The following CEP85 variants were observed in gnomAD, a reference collection of about 807,000 sequenced individuals.
CEP85 encodes the protein centrosomal protein of 85 kDa.
CEP85 carries 58 observed loss-of-function variants against 93.7 expected under a neutral mutation model. The observed-to-expected ratio is 0.62, with a 90% CI of 0.50 to 0.77. The LOEUF is 0.77. Ranked by LOEUF, CEP85 falls within the 30% of genes least tolerant of loss-of-function variation. The pLI, the probability that CEP85 is intolerant of heterozygous loss-of-function variation, is 0.00. For missense variants in CEP85, 868 were observed against 922.0 expected, an observed-to-expected ratio of 0.94 and a Z score of 0.76; for synonymous variants, 314 against 338.6, an observed-to-expected ratio of 0.93 and a Z score of 0.80.
At chr1:26,242,410 C>T (rs1025764318) in intron 2 of CEP85, among the ~76,000 whole-genome samples, 1 of 152,164 alleles carries the variant, frequency 6.6e-6, no homozygotes, top group Non-Finnish European at 1.5e-5. Flanking sequence ...TCTCATGCCG[C>T]TCAGAAACTC....
chr1:26,274,947 C>G lies in CEP85; in HGVS notation c.1795-17C>G, dbSNP rs1265646085. The G allele has an allele frequency of 6.4e-7, 1 of 1,551,200 alleles. No individual in the cohort carries two copies. On this transcript the variant is annotated splice_polypyrimidine_tract_variant and intron_variant, in intron 11 of 13. Transcript: ENST00000451429. ...TACCCCTACTGTGTTCCCTCAACAT[C>G]TTGCTGTGTGATTCAGAGCCTAGAG...
chr1:26,263,943 G>A (rs1296410234), intron 7 of CEP85, among the ~76,000 whole-genome samples: 2 of 152,194 alleles, frequency 1.3e-5, no homozygotes, highest in Non-Finnish European at 2.9e-5. Context: ...TGGGACTCGA[G>A]TATGAGCAGA....
At chr1:26,257,927 G>A (rs1363418270) in intron 5 of CEP85, among the ~76,000 whole-genome samples, 197 bp downstream of exon 5, 2 of 152,026 alleles carry the variant, frequency 1.3e-5, no homozygotes, top group Non-Finnish European at 2.9e-5. Context: ...ATTTCTTTAG[G>A]GGCTCTAGGG....
chr1:26,274,401 C>T (rs1010189437), intron 11 of CEP85, among the ~76,000 whole-genome samples: 4 of 152,192 alleles, frequency 2.6e-5, no homozygotes, highest in Non-Finnish European at 2.9e-5. Flanking sequence ...ATTCCCTGCC[C>T]TCAAGAAAGT....
At chr1:26,237,601 G>A (rs945590049) in intron 1 of CEP85, among the ~76,000 whole-genome samples, 3 of 152,122 alleles carry the variant, frequency 2.0e-5, no homozygotes, top group African/African-American at 4.8e-5. Flanking sequence ...GCTCATGGAC[G>A]TTTGTGTTGT....
intron 1 of CEP85, among the ~76,000 whole-genome samples, chr1:26,238,098 C>CT (rs1439127866): frequency 1.4e-5 from 2 of 146,420 alleles, no homozygotes; most frequent in African/African-American, 5.0e-5. Flanking sequence ...CTCTTAGTAA[C>CT]AAGAGAATAC....
At chr1:26,241,157 T>A (rs976277838) in intron 2 of CEP85, among the ~76,000 whole-genome samples, 1 of 152,164 alleles carries the variant, frequency 6.6e-6, no homozygotes, top group South Asian at 2.1e-4. Context: ...GGTAAATGTT[T>A]GGTGTATTCT....
chr1:26,260,938 C>G (rs1238498833), intron 7 of CEP85, among the ~76,000 whole-genome samples: 5 of 151,788 alleles, frequency 3.3e-5, no homozygotes, highest in Admixed American at 3.3e-4. Context: ...TTACAGGCGC[C>G]TGCTACCACA....
At chr1:26,275,393 G>T (rs949277886) in intron 12 of CEP85, among the ~76,000 whole-genome samples, 11 of 151,308 alleles carry the variant, frequency 7.3e-5, no homozygotes, top group African/African-American at 2.7e-4. Flanking sequence ...CGATTCCCCT[G>T]CCTCAGCCTC....
chr1:26,260,514 A>G (rs1007590846), intron 7 of CEP85, among the ~76,000 whole-genome samples: 17 of 151,666 alleles, frequency 1.1e-4, no homozygotes, highest in Non-Finnish European at 1.8e-4. Flanking sequence ...AAAAAAAAAA[A>G]ATTCCATGTG....
intron 11 of CEP85, 194 bp downstream of exon 11, chr1:26,272,265 G>GAC: frequency 3.3e-6 from 2 of 607,346 alleles, no homozygotes; most frequent in Non-Finnish European, 5.9e-6. Flanking sequence ...ACAGTACTGT[G>GAC]AGAGCAGTCC....
rs758876939 is a variant in CEP85 at position 26,255,768 on chromosome 1, C to T, written c.806C>T (p.Pro269Leu). Residue 269 changes from proline (P) to leucine (L), a missense_variant, in exon 4 of 14, where the codon CCG (proline) becomes CTG (leucine). Coordinates refer to ENST00000451429, the MANE Select transcript of CEP85 (RefSeq NM_001319944.2). ...SKPLPSQVWQ[P>L]SPDTWHPREQ... The stretch of plus-strand genomic sequence containing the variant: ...CCTCTGCCCTCTCAGGTGTGGCAGC[C>T]GAGTCCTGACACTTGGCATCCCCGA... 1.1e-5 allele frequency: 17 copies of T among 1,614,012 alleles called. No individual in the cohort carries two copies. The highest frequency in any genetic ancestry group is 1.6e-4 in the Middle Eastern group (1 of 6,084).
chr1:26,272,433 A>C (rs2089988759), intron 11 of CEP85: 2 of 258,456 alleles, frequency 7.7e-6, no homozygotes, highest in Admixed American at 9.4e-5. Flanking sequence ...GAACAGCATG[A>C]GTGGGAACAT....
chr1:26,258,762 A>T (rs2089761653), intron 6 of CEP85, among the ~76,000 whole-genome samples: 1 of 152,034 alleles, frequency 6.6e-6, no homozygotes, highest in South Asian at 2.1e-4. Flanking sequence ...ATGCCTGGCT[A>T]ATTTTTATAT....
At chr1:26,236,061 G>C (rs1168714409) in intron 1 of CEP85, among the ~76,000 whole-genome samples, 2 of 152,206 alleles carry the variant, frequency 1.3e-5, no homozygotes, top group Non-Finnish European at 1.5e-5. Context: ...CCAACTTGTG[G>C]TGCCATGCTT....
rs1170924149 is a variant in CEP85, at chr1:26,275,077, C to T, written c.1902+6C>T. 1.9e-6 allele frequency: 3 copies of T among 1,558,552 alleles called. No homozygotes were observed. Among genetic ancestry groups the T allele is most frequent in the Admixed American group, 3.8e-5 (2 of 52,186 alleles). ...TGCGCACAGCCGTGAAGGAGGTGAG[C>T]AACATTAGTCAGACCTCTTGGTTTT... is the stretch of plus-strand genomic sequence containing the variant. On this transcript the variant is annotated splice_donor_region_variant and intron_variant, in intron 12 of 13. Transcript: ENST00000451429.
At chr1:26,262,375 G>A (rs1321257878) in intron 7 of CEP85, among the ~76,000 whole-genome samples, 2 of 152,088 alleles carry the variant, frequency 1.3e-5, no homozygotes, top group Non-Finnish European at 2.9e-5. Context: ...CTACTTAAGA[G>A]GCTGGGGCAA....
intron 7 of CEP85, among the ~76,000 whole-genome samples, chr1:26,267,726 T>A (rs1171192652): frequency 1.3e-5 from 2 of 152,236 alleles, no homozygotes; most frequent in African/African-American, 4.8e-5. Flanking sequence ...AGTGAGCTGC[T>A]GTGTCCAGAG....
intron 4 of CEP85, among the ~76,000 whole-genome samples, chr1:26,256,311 C>T (rs192284157): frequency 5.8e-4 from 88 of 152,040 alleles, no homozygotes; most frequent in Admixed American, 1.4e-3. Flanking sequence ...TTTGGGAGGC[C>T]GAGGCGGGCA....
Sources: gnomAD v4.1 joint callset for allele counts (sites outside exome capture counted in the v4.1 genomes callset) on GRCh38, gnomAD v4.1.1 for gene constraint, MANE v1.5 for transcripts, NCBI Gene and HGNC (gene_info 2026-07-23, HGNC 2026-07-21) for gene names.